Variants in PDE4D observed in about 807,000 individuals in gnomAD.
The protein encoded by PDE4D is phosphodiesterase 4D.
In PDE4D, 24 loss-of-function variants were observed where a neutral mutation model predicts 87.4. That is an observed-to-expected ratio of 0.27 (90% CI 0.20 to 0.39). PDE4D has a LOEUF of 0.39. PDE4D is among the 10% of genes least tolerant of loss of function. The pLI, the probability that PDE4D is intolerant of heterozygous loss-of-function variation, is 1.00. For missense variants in PDE4D, 714 were observed against 1,041.0 expected (o/e 0.69, Z 4.32); for synonymous variants, 384 against 383.2 (o/e 1.00, Z -0.02).
chr5:59,259,628 T>C (rs1243067068), intron 1 of PDE4D, among the ~76,000 whole-genome samples: 1 of 151,872 alleles, frequency 6.6e-6, no homozygotes, highest in Non-Finnish European at 1.5e-5. Flanking sequence ...TTTTATTTCT[T>C]TCTTTAGAAT....
intron 6 of PDE4D, among the ~76,000 whole-genome samples, chr5:59,013,687 C>G (rs569209338): frequency 6.6e-6 from 1 of 152,108 alleles, no homozygotes; most frequent in Non-Finnish European, 1.5e-5. Flanking sequence ...CAGGACCAGA[C>G]AGATTCACAG....
intron 2 of PDE4D, among the ~76,000 whole-genome samples, chr5:60,065,982 T>C (rs1772032701): frequency 1.3e-5 from 2 of 152,238 alleles, no homozygotes; most frequent in African/African-American, 4.8e-5. Flanking sequence ...ATGGTATTTC[T>C]AGTTCTAGAT....
intron 1 of PDE4D, among the ~76,000 whole-genome samples, chr5:59,722,655 C>A (rs529654591): frequency 6.6e-6 from 1 of 152,142 alleles, no homozygotes; most frequent in South Asian, 2.1e-4. Context: ...ATTAAATAGA[C>A]CTTGTTGGGG....
rs557201289 is a variant in PDE4D at position 59,541,552 on chromosome 5, T to C, written c.456-325584A>G. Among the ~76,000 whole-genome samples the C allele has an allele frequency of 2.6e-5, 4 of 152,346 alleles. No homozygotes were observed. In the South Asian group the frequency reaches 6.2e-4, roughly 24 times the overall value. On this transcript the variant is annotated intron_variant, in intron 1 of 14. Coordinates refer to ENST00000340635, the MANE Select transcript of PDE4D (RefSeq NM_001104631.2). ...TTAAGTTGTCTACCAGTTTATAATA[T>C]GGGAAGGAATTCCCCATGGGATACT...
intron 1 of PDE4D, among the ~76,000 whole-genome samples, chr5:59,530,779 A>G (rs944809971): frequency 6.6e-6 from 1 of 152,212 alleles, no homozygotes; most frequent in African/African-American, 2.4e-5. Context: ...GGTCTCTAAT[A>G]ACAAAATAAT....
intron 1 of PDE4D, among the ~76,000 whole-genome samples, chr5:59,396,961 C>G (rs1256713051): frequency 8.5e-6 from 1 of 117,738 alleles, no homozygotes; most frequent in Non-Finnish European, 1.8e-5. Context: ...GACTTTAAAC[C>G]AACAAAGATC....
chr5:60,484,696 C>G (rs1748996191), intron 1 of PDE4D, among the ~76,000 whole-genome samples: 1 of 152,046 alleles, frequency 6.6e-6, no homozygotes, highest in Admixed American at 6.6e-5. Flanking sequence ...GGTCCAAAAG[C>G]CTTCATAACA....
At chr5:59,621,488 G>T (rs943762520) in intron 1 of PDE4D, among the ~76,000 whole-genome samples, 1 of 152,174 alleles carries the variant, frequency 6.6e-6, no homozygotes, top group African/African-American at 2.4e-5. Context: ...AAGCAAACCT[G>T]CTAGGCCCCT....
chr5:59,594,022 A>G (rs1039032843), intron 1 of PDE4D, among the ~76,000 whole-genome samples: 25 of 151,988 alleles, frequency 1.6e-4, no homozygotes, highest in African/African-American at 5.8e-4. Flanking sequence ...TTGTTTTGTT[A>G]TATTAGAGCC....
chr5:60,235,710 C>A (rs1218245916), intron 1 of PDE4D, among the ~76,000 whole-genome samples: 1 of 151,890 alleles, frequency 6.6e-6, no homozygotes, highest in Non-Finnish European at 1.5e-5. Flanking sequence ...AGCTATTAGT[C>A]TCCAATCCAC....
At chr5:60,192,838 A>G (rs1785304104) in intron 1 of PDE4D, among the ~76,000 whole-genome samples, 1 of 152,218 alleles carries the variant, frequency 6.6e-6, no homozygotes, top group South Asian at 2.1e-4. Context: ...AAGTTGGATT[A>G]AAAGAAAGTA....
At chr5:59,355,682 A>G (rs1207938947) in intron 1 of PDE4D, among the ~76,000 whole-genome samples, 1 of 152,190 alleles carries the variant, frequency 6.6e-6, no homozygotes, top group African/African-American at 2.4e-5. Flanking sequence ...CTGGCAAATT[A>G]TATTTACCTC....
intron 3 of PDE4D, among the ~76,000 whole-genome samples, chr5:59,900,798 G>A (rs1752178059): frequency 6.6e-6 from 1 of 152,132 alleles, no homozygotes; most frequent in Non-Finnish European, 1.5e-5. Flanking sequence ...TCTCAAAAAT[G>A]TAAAAGAGAT....
chr5:59,999,936 A>G (rs1250053408), intron 2 of PDE4D, among the ~76,000 whole-genome samples: 1 of 152,062 alleles, frequency 6.6e-6, no homozygotes, highest in African/African-American at 2.4e-5. Context: ...AATTGAGTTG[A>G]AAAGTTCACT....
chr5:59,770,861 G>T (rs1763362488), intron 1 of PDE4D, among the ~76,000 whole-genome samples: 1 of 152,160 alleles, frequency 6.6e-6, no homozygotes, highest in Non-Finnish European at 1.5e-5. Context: ...GCCAGGTGTG[G>T]TGGCTCACAC....
chr5:59,338,276 T>C (rs1183111412), intron 1 of PDE4D, among the ~76,000 whole-genome samples: 2 of 152,186 alleles, frequency 1.3e-5, no homozygotes, highest in East Asian at 3.9e-4. Context: ...GATCTCATGC[T>C]ATATGGCACA....
chr5:59,507,281 G>A (rs372880950), intron 1 of PDE4D, among the ~76,000 whole-genome samples: 4 of 151,846 alleles, frequency 2.6e-5, no homozygotes, highest in African/African-American at 9.7e-5. Context: ...GCAGTGAGAC[G>A]AGTTCGTGCC....
chr5:60,432,790 T>C (rs1023939030), intron 1 of PDE4D, among the ~76,000 whole-genome samples: 1 of 152,048 alleles, frequency 6.6e-6, no homozygotes, highest in Non-Finnish European at 1.5e-5. Context: ...CTTACAACCA[T>C]CTGATCTTCA....
chr5:59,111,621 A>G (rs12654485), intron 5 of PDE4D, among the ~76,000 whole-genome samples: 10,159 of 152,276 alleles, frequency 0.067, 512 homozygotes, highest in East Asian at 0.14. Flanking sequence ...GGATGTTTGA[A>G]TGTGTTCTCC....
Sources: allele counts gnomAD v4.1 joint callset (sites outside exome capture counted in the v4.1 genomes callset), GRCh38; gene constraint gnomAD v4.1.1; transcripts MANE v1.5; gene names NCBI Gene and HGNC (gene_info 2026-07-23, HGNC 2026-07-21).